Variants in KCNH5 observed in about 807,000 individuals in gnomAD.
KCNH5 encodes the protein voltage-gated delayed rectifier potassium channel KCNH5.
In KCNH5, 46 loss-of-function variants were observed where a neutral mutation model predicts 96.1. The observed-to-expected ratio is 0.48, with a 90% CI of 0.38 to 0.61. The LOEUF is 0.61. KCNH5 is among the 20% of genes least tolerant of loss of function. The pLI is 0.00. For synonymous variants in KCNH5, 439 were observed against 449.8 expected, an observed-to-expected ratio of 0.98 and a Z score of 0.30; for missense variants, 907 against 1,225.8, an observed-to-expected ratio of 0.74 and a Z score of 3.88.
chr14:62,856,816 T>C (rs1343887418), intron 7 of KCNH5, among the ~76,000 whole-genome samples: 1 of 151,914 alleles, frequency 6.6e-6, no homozygotes, highest in African/African-American at 2.4e-5. Context: ...CCATTCCATC[T>C]AGTATCTGGG....
At chr14:62,875,314 C>T (rs1352074783) in intron 7 of KCNH5, among the ~76,000 whole-genome samples, 1 of 152,008 alleles carries the variant, frequency 6.6e-6, no homozygotes, top group Non-Finnish European at 1.5e-5. Flanking sequence ...CTACCAATGA[C>T]TTTCTTCACA....
At chr14:62,945,150 A>C (rs139409574) in intron 7 of KCNH5, among the ~76,000 whole-genome samples, 1 of 152,272 alleles carries the variant, frequency 6.6e-6, no homozygotes, top group African/African-American at 2.4e-5. Context: ...TATACGTGAA[A>C]ATTTCCACTG....
chr14:62,994,005 T>C (rs1407920188), intron 4 of KCNH5, among the ~76,000 whole-genome samples: 2 of 152,076 alleles, frequency 1.3e-5, no homozygotes, highest in African/African-American at 2.4e-5. Context: ...TTTAGCTCTA[T>C]TGGGTTGCAA....
chr14:62,785,279 C>T (rs753209102), intron 9 of KCNH5, among the ~76,000 whole-genome samples: 3 of 152,210 alleles, frequency 2.0e-5, no homozygotes, highest in East Asian at 1.9e-4. Context: ...TGCACATTTA[C>T]AGTAAGTCAT....
chr14:62,813,451 A>C (rs1186771219), intron 8 of KCNH5, among the ~76,000 whole-genome samples: 1 of 152,184 alleles, frequency 6.6e-6, no homozygotes, highest in African/African-American at 2.4e-5. Flanking sequence ...AAGGTAGTAA[A>C]CTAAACAAGG....
chr14:62,819,143 T>C (rs989301524), intron 8 of KCNH5, among the ~76,000 whole-genome samples: 1 of 152,068 alleles, frequency 6.6e-6, no homozygotes, highest in African/African-American at 2.4e-5. Flanking sequence ...ATTTTTTGTA[T>C]TTTTCGTAGA....
chr14:62,795,189 G>T (rs963544845), intron 9 of KCNH5, among the ~76,000 whole-genome samples: 2 of 152,112 alleles, frequency 1.3e-5, no homozygotes, highest in Non-Finnish European at 2.9e-5. Flanking sequence ...TATCAACAAA[G>T]GAGGAACAGA....
rs76529377 is a variant in KCNH5 at position 62,747,026 on chromosome 14, A to C, written c.2019+32702T>G. 8.5e-4 allele frequency among the ~76,000 whole-genome samples: 129 copies of C among 152,364 alleles called. 2 individuals carry two copies. Among genetic ancestry groups the C allele is most frequent in the African/African-American group, 2.9e-3 (122 of 41,598 alleles). ...AAAAGTGCAATTCAAATTTAGTTTG[A>C]GGCTGTAAATAAAAAAGCAAACTCA... On this transcript the variant is annotated intron_variant, in intron 10 of 10. Coordinates refer to ENST00000322893, the MANE Select transcript of KCNH5 (RefSeq NM_139318.5).
At chr14:63,030,434 A>T (rs1382854953) in intron 1 of KCNH5, among the ~76,000 whole-genome samples, 1 of 152,214 alleles carries the variant, frequency 6.6e-6, no homozygotes, top group Non-Finnish European at 1.5e-5. Flanking sequence ...GGAGAACATA[A>T]AATAAAACAA....
In KCNH5 at chr14:62,707,957, A is replaced by C. The variant is rs759085345; in HGVS notation, c.2518T>G (p.Leu840Val). ...NVTKAESMGL[L>V]SEDPKSSDSE... ...TCACTGCTCTTGGGGTCCTCAGACA[A>C]TAGCCCCATTGACTCAGCTTTAGTG... Residue 840 changes from leucine (L) to valine (V), a missense_variant, in exon 11 of 11, where the codon TTG becomes GTG. Transcript: ENST00000322893. The C allele has an allele frequency of 6.2e-7, 1 of 1,614,190 alleles. No homozygotes were observed. The highest frequency in any genetic ancestry group is 1.7e-5 in the Admixed American group (1 of 60,016).
intron 5 of KCNH5, among the ~76,000 whole-genome samples, chr14:62,984,835 T>C (rs1371454589): frequency 6.6e-6 from 1 of 151,990 alleles, no homozygotes; most frequent in Non-Finnish European, 1.5e-5. Flanking sequence ...AAGGGGAAAG[T>C]TTCTTTCTTT....
chr14:62,761,093 C>A (rs1810975), intron 10 of KCNH5, among the ~76,000 whole-genome samples: 83,824 of 151,910 alleles, frequency 0.55, 23,545 homozygotes, highest in South Asian at 0.81. Context: ...GGTGGCTCAC[C>A]CCTGTAATCC....
chr14:62,962,169 G>T (rs1476194415), intron 6 of KCNH5, among the ~76,000 whole-genome samples: 1 of 152,142 alleles, frequency 6.6e-6, no homozygotes, highest in Non-Finnish European at 1.5e-5. Context: ...CAGCCATCCT[G>T]AATCTTCTAT....
intron 9 of KCNH5, among the ~76,000 whole-genome samples, chr14:62,790,338 G>A (rs545569582): frequency 6.6e-6 from 1 of 151,894 alleles, no homozygotes; most frequent in South Asian, 2.1e-4. Context: ...GAAGTGTGAT[G>A]CCTCCAACTT....
intron 7 of KCNH5, among the ~76,000 whole-genome samples, chr14:62,859,160 A>G (rs1887985624): frequency 6.6e-6 from 1 of 152,166 alleles, no homozygotes; most frequent in Admixed American, 6.5e-5. Flanking sequence ...TGCCCTTTCC[A>G]TGATGGAAGA....
intron 8 of KCNH5, among the ~76,000 whole-genome samples, chr14:62,813,378 A>G (rs1354133791): frequency 6.6e-6 from 1 of 152,184 alleles, no homozygotes; most frequent in Non-Finnish European, 1.5e-5. Flanking sequence ...CTATTAATGA[A>G]GCTATAACAA....
chr14:62,869,806 A>G (rs1177009969), intron 7 of KCNH5, among the ~76,000 whole-genome samples: 1 of 152,150 alleles, frequency 6.6e-6, no homozygotes, highest in Non-Finnish European at 1.5e-5. Context: ...ATCTACAACC[A>G]TCTGATCTTT....
At chr14:63,044,976 C>T in intron 1 of KCNH5, 138 bp downstream of exon 1, 2 of 703,956 alleles carry the variant, frequency 2.8e-6, no homozygotes, top group Non-Finnish European at 5.0e-6. Context: ...CCAAATCCAG[C>T]CCAACTGGTA....
intron 9 of KCNH5, among the ~76,000 whole-genome samples, chr14:62,781,438 T>TACTAGGC (rs1182241737): frequency 1.3e-5 from 2 of 152,168 alleles, no homozygotes; most frequent in African/African-American, 4.8e-5. Context: ...GACCAAAATT[T>TACTAGGC]ACTAGGCGGG....
Sources: allele counts gnomAD v4.1 joint callset (sites outside exome capture counted in the v4.1 genomes callset), GRCh38; gene constraint gnomAD v4.1.1; transcripts MANE v1.5; gene names NCBI Gene and HGNC (gene_info 2026-07-23, HGNC 2026-07-21).